IL2RB: variants seen among roughly 807,000 people sequenced by gnomAD.
IL2RB encodes the protein interleukin-2 receptor subunit beta.
In IL2RB, 17 loss-of-function variants were observed where a neutral mutation model predicts 44.2. The observed-to-expected ratio is 0.38, with a 90% CI of 0.26 to 0.58. IL2RB has a LOEUF of 0.58. Among genes scored for constraint, IL2RB ranks in the 20% least tolerant of loss-of-function variants. IL2RB has a pLI of 0.63. For synonymous variants in IL2RB, 286 were observed against 297.9 expected (o/e 0.96, Z 0.41); for missense variants, 624 against 685.5 (o/e 0.91, Z 1.00).
At chr22:37,158,047 A>C (rs745461454) in intron 1 of IL2RB, among the ~76,000 whole-genome samples, 14 of 152,170 alleles carry the variant, frequency 9.2e-5, no homozygotes, top group Non-Finnish European at 1.3e-4. Context: ...CTGGAAGGCA[A>C]TCTGACATCT....
chr22:37,140,104 T>G (rs1483105951), intron 4 of IL2RB, among the ~76,000 whole-genome samples: 1 of 152,132 alleles, frequency 6.6e-6, no homozygotes, highest in Non-Finnish European at 1.5e-5. Flanking sequence ...TCCAGGATGC[T>G]GATTTCAGGG....
At position 37,170,081 on chromosome 22, in the gene IL2RB, GAAGGAAGA is replaced by G. The variant is rs1372458715; in HGVS notation, c.-34+4869_-34+4876del. 3.6e-3 allele frequency among the ~76,000 whole-genome samples: 303 copies of G among 83,998 alleles called. 5 individuals are homozygous for G. The highest frequency in any genetic ancestry group is 0.014 in the African/African-American group (238 of 16,932). The allele number at this position is 83,998 out of a possible 152,430, so 55.1% of individuals were successfully genotyped here. On this transcript the variant is annotated intron_variant, in intron 1 of 5. Transcript: ENST00000429622. ...GAAGGAAGGAAGGATGGGGGAGAAG[GAAGGAAGA>G]ATGGATGGATGGATGGATGGATGGA...
At chr22:37,135,597 G>A (rs889554904) in intron 7 of IL2RB, among the ~76,000 whole-genome samples, 155 bp from the exon 8 acceptor site, 3 of 152,184 alleles carry the variant, frequency 2.0e-5, no homozygotes, top group African/African-American at 7.2e-5. Flanking sequence ...CATCCTCTGG[G>A]AAGCCAGATT....
upstream of IL2RB, among the ~76,000 whole-genome samples, chr22:37,150,826 C>T (rs1361299989): frequency 6.6e-6 from 1 of 152,092 alleles, no homozygotes; most frequent in Non-Finnish European, 1.5e-5. Context: ...AACATGTGAG[C>T]TTTGTCTTTT....
At chr22:37,172,973 G>A (rs1158024075) in intron 1 of IL2RB, among the ~76,000 whole-genome samples, 1 of 152,126 alleles carries the variant, frequency 6.6e-6, no homozygotes, top group Non-Finnish European at 1.5e-5. Flanking sequence ...GGTCCTGGAT[G>A]AGCCTCCCCT....
intron 1 of IL2RB, among the ~76,000 whole-genome samples, chr22:37,173,779 G>A (rs1923364099): frequency 6.6e-6 from 1 of 152,148 alleles, no homozygotes; most frequent in Non-Finnish European, 1.5e-5. Context: ...TCCTGGAGGT[G>A]GTAGCTTTGG....
At chr22:37,172,628 G>A (rs1373445563) in intron 1 of IL2RB, among the ~76,000 whole-genome samples, 1 of 152,222 alleles carries the variant, frequency 6.6e-6, no homozygotes, top group Non-Finnish European at 1.5e-5. Context: ...CCCCACCCAA[G>A]CCGCATTTCT....
chr22:37,165,612 G>C (rs1923041836), intron 1 of IL2RB, among the ~76,000 whole-genome samples: 1 of 152,244 alleles, frequency 6.6e-6, no homozygotes, highest in Non-Finnish European at 1.5e-5. Flanking sequence ...GTTTGTATGA[G>C]ATGTGCAGAT....
intron 6 of IL2RB, 33 bp from the exon 7 acceptor site, chr22:37,136,426 T>A: frequency 6.3e-7 from 1 of 1,580,424 alleles, no homozygotes; most frequent in Non-Finnish European, 8.6e-7. Context: ...AGCGCCCACC[T>A]CACCTCCCAT....
upstream of IL2RB, among the ~76,000 whole-genome samples, chr22:37,154,685 C>G: frequency 6.6e-6 from 1 of 151,702 alleles, no homozygotes; most frequent in Non-Finnish European, 1.5e-5. Context: ...AAACAATTCT[C>G]CTGCCTCAGC....
chr22:37,129,762 G>A (rs905967861), intron 9 of IL2RB, among the ~76,000 whole-genome samples: 1 of 152,246 alleles, frequency 6.6e-6, no homozygotes, highest in Non-Finnish European at 1.5e-5. Context: ...ACAGCAGAGT[G>A]GGGGACAGCA....
At chr22:37,150,279 C>A (rs996544550), upstream of IL2RB, among the ~76,000 whole-genome samples, 1 of 152,126 alleles carries the variant, frequency 6.6e-6, no homozygotes, top group African/African-American at 2.4e-5. Context: ...CACATACCCA[C>A]TAATACGTAG....
chr22:37,155,082 GT>G (rs940470644), intron 1 of IL2RB, among the ~76,000 whole-genome samples: 13 of 152,162 alleles, frequency 8.5e-5, no homozygotes, highest in African/African-American at 1.9e-4. Context: ...CATACAGTCT[GT>G]CCCCCAGGTG....
intron 1 of IL2RB, among the ~76,000 whole-genome samples, chr22:37,145,655 G>C (rs1373960793): frequency 6.6e-6 from 1 of 152,004 alleles, no homozygotes; most frequent in South Asian, 2.1e-4. Flanking sequence ...AGCAGGCAAA[G>C]GGGGAGGCAG....
chr22:37,158,986 G>A (rs562073231), intron 1 of IL2RB, among the ~76,000 whole-genome samples: 30 of 152,376 alleles, frequency 2.0e-4, no homozygotes, highest in Admixed American at 1.7e-3. Context: ...TCTCCTCACA[G>A]CCAGGCCAGT....
At chr22:37,172,233 A>C (rs75058132) in intron 1 of IL2RB, among the ~76,000 whole-genome samples, 1 of 150,804 alleles carries the variant, frequency 6.6e-6, no homozygotes, top group Admixed American at 6.6e-5. Flanking sequence ...AAAAAAAAAA[A>C]AGTGATGTTG....
At chr22:37,132,077 C>T (rs1921459429) in intron 9 of IL2RB, among the ~76,000 whole-genome samples, 2 of 152,136 alleles carry the variant, frequency 1.3e-5, no homozygotes, top group South Asian at 4.1e-4. Flanking sequence ...AGGCAATGTA[C>T]TCAGGGCAGG....
At chr22:37,139,581 G>A (rs758306826) in intron 4 of IL2RB, among the ~76,000 whole-genome samples, 2 of 152,196 alleles carry the variant, frequency 1.3e-5, no homozygotes, top group Non-Finnish European at 2.9e-5. Context: ...AATGAAGTGA[G>A]CTACCTTGAG....
chr22:37,143,557 T>G lies in IL2RB; in HGVS notation c.167A>C (p.Asp56Ala). Reference sequence around the variant, plus strand: ...CCAGGCATGGACTTGGCAGGAAGTGTCCTGCAGAGCCCCATCTTGGCTCCA... The same window carrying G: ...CCAGGCATGGACTTGGCAGGAAGTGGCCTGCAGAGCCCCATCTTGGCTCCA... ...CVWSQDGALQDTSCQVHAWPD... is the reference protein window; with the variant it reads ...CVWSQDGALQATSCQVHAWPD... The change falls in exon 3 of 10, where the codon GAC becomes GCC. Residue 56 changes from aspartate (D) to alanine (A), a missense_variant. Asp to Ala is a moderately radical substitution (Grantham distance 126). Coordinates refer to ENST00000216223, the MANE Select transcript of IL2RB (RefSeq NM_000878.5). 3 of 1,613,962 alleles carry G rather than the reference T, an allele frequency of 1.9e-6. No individual in the cohort carries two copies. The highest frequency in any genetic ancestry group is 2.5e-6 in the Non-Finnish European group (3 of 1,179,934).
Sources: allele counts gnomAD v4.1 joint callset (sites outside exome capture counted in the v4.1 genomes callset), GRCh38; gene constraint gnomAD v4.1.1; transcripts MANE v1.5; gene names NCBI Gene and HGNC (gene_info 2026-07-23, HGNC 2026-07-21).